Variants in ENOSF1 observed in about 807,000 individuals in gnomAD.
ENOSF1 encodes mitochondrial enolase superfamily member 1.
A neutral mutation model predicts 68.2 loss-of-function variants in ENOSF1; 73 were observed. The observed-to-expected ratio is 1.07, with a 90% CI of 0.89 to 1.30. The LOEUF (loss-of-function observed/expected upper bound fraction) is 1.30, where lower values mean the gene tolerates loss of function less well. Among genes scored for constraint, ENOSF1 ranks in the 50% most tolerant of loss-of-function variants. The probability of loss-of-function intolerance (pLI) is 0.00; values close to 1 mark genes in which losing one functional copy is unlikely to be tolerated. For missense variants in ENOSF1, 589 were observed against 554.5 expected, an observed-to-expected ratio of 1.06 and a Z score of -0.62; for synonymous variants, 223 against 210.4, an observed-to-expected ratio of 1.06 and a Z score of -0.52.
rs538927422 is a variant in ENOSF1, at chr18:671,713, G to C, written c.*2592C>G. On this transcript the variant is annotated 3_prime_UTR_variant, in exon 16 of 16. Transcript: ENST00000647584. ...GGGAAGAGCCACATTCAAGCCAGGG[G>C]ATTGTCCAAAAGGGGGCATTTTAAC... The C allele has an allele frequency of 8.1e-6, 4 of 496,478 alleles. No individual in the cohort carries two copies. Among genetic ancestry groups the C allele is most frequent in the Middle Eastern group, 5.0e-4 (1 of 2,018 alleles). 30.8% of individuals were successfully genotyped at this position (496,478 alleles called of 1,614,324 possible).
intron 2 of ENOSF1, among the ~76,000 whole-genome samples, chr18:701,629 G>A (rs991892793): frequency 3.9e-5 from 6 of 151,946 alleles, no homozygotes; most frequent in Admixed American, 3.9e-4. Context: ...GTGGTGGCAG[G>A]TGCCTGTAGT....
At chr18:676,924 G>T (rs538741326) in intron 14 of ENOSF1, among the ~76,000 whole-genome samples, 4 of 152,388 alleles carry the variant, frequency 2.6e-5, no homozygotes, top group African/African-American at 9.6e-5. Flanking sequence ...TACGTGTGCA[G>T]ATGACTGGAA....
intron 10 of ENOSF1, among the ~76,000 whole-genome samples, chr18:684,773 G>A (rs1905081684): frequency 6.6e-6 from 1 of 152,038 alleles, no homozygotes. Context: ...TATTGTGCTT[G>A]GAGAAATGGA....
intron 9 of ENOSF1, 119 bp from the exon 10 acceptor site, chr18:686,127 C>A: frequency 1.4e-6 from 1 of 735,302 alleles, no homozygotes; most frequent in Non-Finnish European, 2.5e-6. Context: ...TTTTAGTAAC[C>A]TCTTGCTCTT....
downstream of ENOSF1, chr18:667,757 G>A (rs925723590): frequency 2.0e-5 from 3 of 152,192 alleles, no homozygotes; most frequent in African/African-American, 7.2e-5. Context: ...GTGCAGGTAA[G>A]TGTTCTGCAG....
At chr18:689,696 C>T (rs1421878331) in intron 8 of ENOSF1, among the ~76,000 whole-genome samples, 1 of 152,074 alleles carries the variant, frequency 6.6e-6, no homozygotes, top group African/African-American at 2.4e-5. Context: ...CCCATCGCTG[C>T]CCCCCTATTT....
intron 2 of ENOSF1, among the ~76,000 whole-genome samples, chr18:700,642 T>C (rs766056723): frequency 2.0e-5 from 3 of 152,108 alleles, no homozygotes; most frequent in Admixed American, 6.6e-5. Context: ...CCCAGCACTT[T>C]GGGAGGCTGA....
chr18:685,189 A>G (rs2076501920), intron 10 of ENOSF1, among the ~76,000 whole-genome samples: 1 of 151,938 alleles, frequency 6.6e-6, no homozygotes. Context: ...ATTTTTCGGT[A>G]CAGATGGGGT....
At chr18:689,877 A>G (rs1023578054) in intron 8 of ENOSF1, among the ~76,000 whole-genome samples, 6 of 152,142 alleles carry the variant, frequency 3.9e-5, no homozygotes, top group African/African-American at 1.4e-4. Context: ...ACTTTAGCCT[A>G]TTCCCAGATA....
Position 712,496 on chromosome 18 carries a change from G to C in ENOSF1, c.84+8C>G, listed in dbSNP as rs1413827700. On this transcript the variant is annotated splice_region_variant and intron_variant, in intron 1 of 15. Transcript: ENST00000647584. ...GGCGTCCGCGCTTACCATGGCGTCC[G>C]CGCTTACCATGGCGTCCGCGCCGTG... The C allele has an allele frequency of 6.6e-7, 1 of 1,526,356 alleles. No individual in the cohort carries two copies. The highest frequency in any genetic ancestry group is 2.4e-5 in the East Asian group (1 of 40,864). The allele number at this position is 1,526,356 out of a possible 1,614,324, so 94.6% of individuals were successfully genotyped here.
chr18:674,436 T>TAAC, intron 15 of ENOSF1, 30 bp from the exon 16 acceptor site: 1 of 1,444,212 alleles, frequency 6.9e-7, no homozygotes, highest in Non-Finnish European at 9.7e-7. Flanking sequence ...TGAGTCCTGT[T>TAAC]AACAACCACC....
At chr18:683,870 A>G (rs2076351126) in intron 10 of ENOSF1, among the ~76,000 whole-genome samples, 1 of 152,076 alleles carries the variant, frequency 6.6e-6, no homozygotes, top group Non-Finnish European at 1.5e-5. Context: ...ATAATGGCAC[A>G]CCTACTCCAC....
chr18:690,484 C>T (rs939232633), intron 8 of ENOSF1, 65 bp downstream of exon 8: 10 of 1,576,400 alleles, frequency 6.3e-6, no homozygotes, highest in African/African-American at 5.4e-5. Flanking sequence ...GGTATGAGGA[C>T]AGAAGGAAAA....
At position 691,066 on chromosome 18, in the gene ENOSF1, A is replaced by C. The variant is rs2077106944; in HGVS notation, c.535+2T>G. The C allele has an allele frequency of 1.9e-6, 3 of 1,613,844 alleles. No homozygotes were observed. Among genetic ancestry groups the C allele is most frequent in the African/African-American group, 1.3e-5 (1 of 74,874 alleles). The stretch of plus-strand genomic sequence containing the variant: ...AATGAAGAAAATTTTCTTACAACCC[A>C]CCTCTTTCTTTTTTACCAATTTGAC... On this transcript the variant is annotated splice_donor_variant, in intron 7 of 15. Transcript: ENST00000647584. LOFTEE classifies it high-confidence loss of function.
the ENOSF1 span, among the ~76,000 whole-genome samples, chr18:664,313 CTGTT>C: frequency 2.7e-5 from 4 of 150,332 alleles, no homozygotes; most frequent in African/African-American, 7.4e-5. Flanking sequence ...ATTTGGCTCT[CTGTT>C]TGTCTGTTAT....
At chr18:707,903 A>G (rs2079103990) in intron 1 of ENOSF1, among the ~76,000 whole-genome samples, 1 of 152,050 alleles carries the variant, frequency 6.6e-6, no homozygotes, top group Non-Finnish European at 1.5e-5. Context: ...TCTGTTCTCC[A>G]GGCTGGAGTG....
At chr18:675,814 G>A (rs1480724846) in intron 14 of ENOSF1, among the ~76,000 whole-genome samples, 8 of 134,122 alleles carry the variant, frequency 6.0e-5, no homozygotes, top group Non-Finnish European at 1.3e-4. Flanking sequence ...CCAGGGGCTT[G>A]GGGTTTTTTT....
chr18:690,561 G>A lies in ENOSF1; in HGVS notation c.606C>T (p.Asp202=), dbSNP rs1282723929. 1 of 1,614,144 alleles carries A rather than the reference G, an allele frequency of 6.2e-7. No individual in the cohort carries two copies. The highest frequency in any genetic ancestry group is 8.5e-7 in the Non-Finnish European group (1 of 1,180,042). Residue 202 remains aspartate (D), a synonymous_variant, in exon 8 of 16, where the codon GAC becomes GAT. Coordinates refer to ENST00000647584, the MANE Select transcript of ENOSF1 (RefSeq NM_017512.7). ...TSCAWLGYSD[D]TLKQLCAQAL... The stretch of plus-strand genomic sequence containing the variant: ...TTAAAATGCCCACCTGCTTCAACGT[G>A]TCATCTGAGTACCCCAGCCAGGCGC...
At chr18:685,139 T>C (rs1451731366) in intron 10 of ENOSF1, among the ~76,000 whole-genome samples, 2 of 152,252 alleles carry the variant, frequency 1.3e-5, no homozygotes, top group Non-Finnish European at 2.9e-5. Context: ...GTTAGGATTA[T>C]AGGCATGAGC....
Sources: gnomAD v4.1 joint callset for allele counts (sites outside exome capture counted in the v4.1 genomes callset) on GRCh38, gnomAD v4.1.1 for gene constraint, MANE v1.5 for transcripts, NCBI Gene and HGNC (gene_info 2026-07-23, HGNC 2026-07-21) for gene names.